Variants in SLC2A13 observed in about 807,000 individuals in gnomAD.
SLC2A13 encodes solute carrier family 2 member 13.
Under a neutral mutation model 64.4 loss-of-function variants are expected in SLC2A13, and 32 were observed. The observed-to-expected ratio is 0.50, with a 90% CI of 0.37 to 0.67. The LOEUF is 0.67. Among genes scored for constraint, SLC2A13 ranks in the 30% least tolerant of loss-of-function variants. SLC2A13 has a pLI of 0.00. For synonymous variants in SLC2A13, 338 were observed against 327.1 expected, an observed-to-expected ratio of 1.03 and a Z score of -0.36; for missense variants, 743 against 829.2, an observed-to-expected ratio of 0.90 and a Z score of 1.28.
At position 39,760,115 on chromosome 12, in the gene SLC2A13, C is replaced by T. The variant is rs765005909; in HGVS notation, c.1858G>A (p.Asp620Asn). 2 of 1,612,978 alleles carry T rather than the reference C, an allele frequency of 1.2e-6. No individual in the cohort carries two copies. The highest frequency in any genetic ancestry group is 2.2e-5 in the South Asian group (2 of 91,038). The change falls in exon 10 of 10, where the codon GAT becomes AAT. Residue 620 changes from aspartate to asparagine, a missense_variant. Around this residue, in one of 2 missense-constraint regions of SLC2A13, gnomAD observed 295 missense variants for 381.7 expected, o/e 0.77. Transcript: ENST00000280871. ...TCAATATATCTCCCTTCATCAGAAT[C>T]TGAAGTGCCACATGTACATAGCCTG... ...DNRLCTCGTS[D>N]SDEGRYIEYI...
In SLC2A13 at chr12:39,896,257, T is replaced by C. The variant is rs796835201; in HGVS notation, c.1035-24296A>G. 6.2e-4 allele frequency among the ~76,000 whole-genome samples: 60 copies of C among 96,046 alleles called. 2 individuals are homozygous for C. The highest frequency in any genetic ancestry group is 9.1e-4 in the South Asian group (3 of 3,308). 63.0% of individuals were successfully genotyped at this position (96,046 alleles called of 152,430 possible). ...ATGTGTATATATGTATACATGTATG[T>C]ATATGTGTGTATATATGTATACATG... On this transcript the variant is annotated intron_variant, in intron 4 of 9. Coordinates refer to ENST00000280871, the MANE Select transcript of SLC2A13 (RefSeq NM_052885.4).
rs564461305 is a variant in SLC2A13 at position 39,873,058 on chromosome 12, G to A, written c.1035-1097C>T. 1.8e-4 allele frequency among the ~76,000 whole-genome samples: 27 copies of A among 152,134 alleles called. No homozygotes were observed. In the South Asian group the frequency reaches 5.6e-3, roughly 32 times the overall value. On this transcript the variant is annotated intron_variant, in intron 4 of 9. Transcript: ENST00000280871. Reference sequence around the variant, plus strand: ...TCTCATTGATTCATCAATGGCTTCTGTCTACTATTTTTTAAACTAATGATG... The same window carrying A: ...TCTCATTGATTCATCAATGGCTTCTATCTACTATTTTTTAAACTAATGATG...
Position 39,909,860 on chromosome 12 carries a change from T to A in SLC2A13, c.1035-37899A>T, listed in dbSNP as rs568196237. Among the ~76,000 whole-genome samples the A allele has an allele frequency of 8.4e-4, 110 of 130,244 alleles. 1 individual carries two copies. Among genetic ancestry groups the A allele is most frequent in the African/African-American group, 3.6e-3 (102 of 28,724 alleles). 85.4% of individuals were successfully genotyped at this position (130,244 alleles called of 152,430 possible). On this transcript the variant is annotated intron_variant, in intron 4 of 9. Coordinates refer to ENST00000280871, the MANE Select transcript of SLC2A13 (RefSeq NM_052885.4). ...TTTTCATTACTCTTCTTACAGTTTG[T>A]TTTTTTTTTTTTTTAAGAGAGTAAA...
intron 3 of SLC2A13, among the ~76,000 whole-genome samples, chr12:40,004,473 C>T (rs1947376951): frequency 6.6e-6 from 1 of 152,156 alleles, no homozygotes; most frequent in South Asian, 2.1e-4. Context: ...CATGAGCCAC[C>T]ATACCCGGCC....
At chr12:40,074,690 C>T (rs1484088442) in intron 1 of SLC2A13, among the ~76,000 whole-genome samples, 1 of 152,144 alleles carries the variant, frequency 6.6e-6, no homozygotes, top group Non-Finnish European at 1.5e-5. Flanking sequence ...CTGTCTCTTC[C>T]TTCAGCCCAT....
At chr12:39,846,601 A>G (rs1943320299) in intron 6 of SLC2A13, among the ~76,000 whole-genome samples, 1 of 152,088 alleles carries the variant, frequency 6.6e-6, no homozygotes, top group Non-Finnish European at 1.5e-5. Context: ...ACAGGCACAT[A>G]CCAACATGTG....
At chr12:39,963,103 G>C (rs1027326535) in intron 3 of SLC2A13, among the ~76,000 whole-genome samples, 1 of 151,948 alleles carries the variant, frequency 6.6e-6, no homozygotes, top group Non-Finnish European at 1.5e-5. Context: ...TGGCTAACAC[G>C]GTGAAAACCC....
At chr12:39,815,094 A>C (rs1942303928) in intron 7 of SLC2A13, among the ~76,000 whole-genome samples, 1 of 152,126 alleles carries the variant, frequency 6.6e-6, no homozygotes, top group South Asian at 2.1e-4. Context: ...AAAATAAATG[A>C]CCCAAGGCCA....
rs1940049311 is a variant in SLC2A13 at position 39,759,225 on chromosome 12, C to G, written c.*801G>C. On this transcript the variant is annotated 3_prime_UTR_variant, in exon 10 of 10. Transcript: ENST00000280871. The stretch of plus-strand genomic sequence containing the variant: ...TATAATTGCATACCTAAGTGACTAA[C>G]CAATTTGGAACCCATAAAAACCTTT... 1 of 152,296 alleles carries G rather than the reference C, an allele frequency of 6.6e-6. No individual in the cohort carries two copies. The highest frequency in any genetic ancestry group is 1.5e-5 in the Non-Finnish European group (1 of 67,914). The allele number at this position is 152,296 out of a possible 1,614,324, so 9.4% of individuals were successfully genotyped here. A position where few individuals can be genotyped will look rare whatever the true frequency, so the allele number is the denominator to read the frequency against.
At chr12:40,085,172 C>A (rs1938550088) in intron 1 of SLC2A13, among the ~76,000 whole-genome samples, 1 of 152,222 alleles carries the variant, frequency 6.6e-6, no homozygotes, top group African/African-American at 2.4e-5. Context: ...GGGACAAAAT[C>A]TCCTGTGCTC....
intron 1 of SLC2A13, among the ~76,000 whole-genome samples, chr12:40,063,998 T>C (rs1191196223): frequency 6.6e-6 from 1 of 152,106 alleles, no homozygotes; most frequent in Non-Finnish European, 1.5e-5. Flanking sequence ...ATCCCAGCAC[T>C]TTCAGAGGCC....
At chr12:39,968,959 C>A (rs1409870905) in intron 3 of SLC2A13, among the ~76,000 whole-genome samples, 2 of 151,930 alleles carry the variant, frequency 1.3e-5, no homozygotes, top group African/African-American at 4.8e-5. Context: ...TTCCCCCACC[C>A]CACAACAGGC....
chr12:39,929,848 G>C (rs1945793678), intron 4 of SLC2A13, among the ~76,000 whole-genome samples: 1 of 152,062 alleles, frequency 6.6e-6, no homozygotes, highest in East Asian at 1.9e-4. Context: ...TGCGGCACTT[G>C]GGCTGGGTGT....
intron 4 of SLC2A13, among the ~76,000 whole-genome samples, chr12:39,882,846 C>T (rs1944376070): frequency 6.6e-6 from 1 of 152,190 alleles, no homozygotes; most frequent in Non-Finnish European, 1.5e-5. Context: ...TTTAGTAACA[C>T]ACACCACTTT....
chr12:39,997,947 T>A (rs866556424), intron 3 of SLC2A13, among the ~76,000 whole-genome samples: 31 of 152,304 alleles, frequency 2.0e-4, no homozygotes, highest in Admixed American at 7.8e-4. Flanking sequence ...ACAACCACTA[T>A]GGAAAGCCGT....
intron 4 of SLC2A13, among the ~76,000 whole-genome samples, chr12:39,921,436 C>T (rs1205485995): frequency 1.3e-5 from 2 of 152,020 alleles, no homozygotes; most frequent in Non-Finnish European, 2.9e-5. Flanking sequence ...AAGAGGATAG[C>T]AGGGTGGCCC....
intron 3 of SLC2A13, among the ~76,000 whole-genome samples, chr12:39,971,997 A>AAAAAAATATATATATATATAT (rs1375405006): frequency 2.6e-5 from 2 of 77,376 alleles, no homozygotes; most frequent in Non-Finnish European, 5.0e-5. Flanking sequence ...AAAAAAAAAA[A>AAAAAAATATATATATATATAT]ATATATATAT....
chr12:39,759,789 T>G lies in SLC2A13; in HGVS notation c.*237A>C. 2.1e-6 allele frequency: 1 copy of G among 475,726 alleles called. No individual in the cohort carries two copies. The highest frequency in any genetic ancestry group is 3.7e-6 in the Non-Finnish European group (1 of 268,050). 29.5% of individuals were successfully genotyped at this position (475,726 alleles called of 1,614,324 possible). Reference sequence around the variant, plus strand: ...CTATTTCAGGAAGGCATTACACACATTTGCTTAAGAATTATTAGATTAAAA... The same window carrying G: ...CTATTTCAGGAAGGCATTACACACAGTTGCTTAAGAATTATTAGATTAAAA... On this transcript the variant is annotated 3_prime_UTR_variant, in exon 10 of 10. Transcript: ENST00000280871.
intron 3 of SLC2A13, among the ~76,000 whole-genome samples, chr12:40,011,032 C>T (rs764487045): frequency 1.3e-5 from 2 of 152,128 alleles, no homozygotes; most frequent in African/African-American, 2.4e-5. Context: ...TCACCAGCTT[C>T]GTTCTTCAGT....
Sources: allele counts gnomAD v4.1 joint callset (sites outside exome capture counted in the v4.1 genomes callset), GRCh38; gene constraint gnomAD v4.1.1; regional missense constraint gnomAD v4.1.1; transcripts MANE v1.5; gene names NCBI Gene and HGNC (gene_info 2026-07-23, HGNC 2026-07-21).